Variants in SNIP1 observed in about 807,000 individuals in gnomAD.
SNIP1 encodes smad nuclear-interacting protein 1.
Under a neutral mutation model 37.4 loss-of-function variants are expected in SNIP1, and 23 were observed. The ratio of observed to expected loss-of-function variants is 0.61; its 90% CI spans 0.44 to 0.87. The LOEUF (loss-of-function observed/expected upper bound fraction) is 0.87. Among genes scored for constraint, SNIP1 ranks in the 40% least tolerant of loss-of-function variants. The pLI, the probability that SNIP1 is intolerant of heterozygous loss-of-function variation, is 0.00. For synonymous variants in SNIP1, 174 were observed against 200.0 expected (o/e 0.87, Z 1.10); for missense variants, 459 against 540.4 (o/e 0.85, Z 1.49).
At chr1:37,539,695 C>T (rs1017841620) in intron 3 of SNIP1, among the ~76,000 whole-genome samples, 1 of 152,098 alleles carries the variant, frequency 6.6e-6, no homozygotes, top group Admixed American at 6.5e-5. Context: ...GGGCACAGAA[C>T]GAGACTCCGT....
rs1300078306 is a variant in SNIP1 at position 37,537,740 on chromosome 1, T to G, written c.*8A>C. 6.2e-7 allele frequency: 1 copy of G among 1,609,434 alleles called. No individual in the cohort carries two copies. The highest frequency in any genetic ancestry group is 8.5e-7 in the Non-Finnish European group (1 of 1,177,644). On this transcript the variant is annotated 3_prime_UTR_variant, in exon 4 of 4. Coordinates refer to ENST00000296215, the MANE Select transcript of SNIP1 (RefSeq NM_024700.4). Reference sequence around the variant, plus strand: ...AACCGTGTATCAATAGTTTGGGTTCTTAGTTTGCTAGCTGTCAGACACTTC... The same window carrying G: ...AACCGTGTATCAATAGTTTGGGTTCGTAGTTTGCTAGCTGTCAGACACTTC...
Position 37,537,278 on chromosome 1 carries a change from T to C in SNIP1, c.*470A>G, listed in dbSNP as rs1372749808. ...GCTTTGGTATATACTGGAGGTTGTT[T>C]TGGTGATAACCAAAGCCTAGTAAGA... On this transcript the variant is annotated 3_prime_UTR_variant, in exon 4 of 4. Coordinates refer to ENST00000296215, the MANE Select transcript of SNIP1 (RefSeq NM_024700.4). The C allele has an allele frequency of 6.4e-6, 1 of 155,958 alleles. No homozygotes were observed. Among genetic ancestry groups the C allele is most frequent in the Non-Finnish European group, 1.4e-5 (1 of 70,198 alleles). 9.7% of individuals were successfully genotyped at this position (155,958 alleles called of 1,614,324 possible). A position where few individuals can be genotyped will look rare whatever the true frequency, so the allele number is the denominator to read the frequency against.
intron 1 of SNIP1, among the ~76,000 whole-genome samples, chr1:37,553,099 A>G (rs1643321886): frequency 6.6e-6 from 1 of 152,112 alleles, no homozygotes; most frequent in Non-Finnish European, 1.5e-5. Context: ...TACCATCAAT[A>G]ACAATCCCTC....
intron 2 of SNIP1, chr1:37,545,441 T>C (rs1023384485): frequency 8.3e-6 from 1 of 120,798 alleles, no homozygotes; most frequent in Admixed American, 1.1e-4. Flanking sequence ...TTCCTTCAAA[T>C]AAAGAAATTT....
At chr1:37,551,756 CT>C (rs1278252070) in intron 2 of SNIP1, among the ~76,000 whole-genome samples, 18 of 152,168 alleles carry the variant, frequency 1.2e-4, no homozygotes, top group African/African-American at 4.3e-4. Context: ...TTTAAGCCAC[CT>C]ACTCTATGGT....
intron 2 of SNIP1, chr1:37,541,662 C>CA (rs34756254): frequency 0.036 from 4,634 of 127,836 alleles, 256 homozygotes; most frequent in African/African-American, 0.13. Context: ...AACTCCTTCT[C>CA]AAAAAAAAAA....
chr1:37,548,152 CAAA>C (rs35503081), intron 2 of SNIP1, among the ~76,000 whole-genome samples: 3 of 65,366 alleles, frequency 4.6e-5, no homozygotes, highest in African/African-American at 6.9e-5. Flanking sequence ...GACTCCATAT[CAAA>C]AAAAAAAAAA....
rs542421832 is a variant in SNIP1 at position 37,544,914 on chromosome 1, T to G, written c.328-4159A>C. 2.5e-5 allele frequency: 26 copies of G among 1,034,750 alleles called. No individual in the cohort carries two copies. In the South Asian group the frequency reaches 3.3e-4, roughly 13 times the overall value. 64.1% of individuals were successfully genotyped at this position (1,034,750 alleles called of 1,614,324 possible). A position where few individuals can be genotyped will look rare whatever the true frequency, so the allele number is the denominator to read the frequency against. ...GCTTTGAAGAACTTTGCCAAATACT[T>G]TCTTCACCAATCTCATGAGGAGAGG... On this transcript the variant is annotated intron_variant, in intron 2 of 3. Transcript: ENST00000296215.
In SNIP1 at chr1:37,540,306, C is replaced by T. The variant is rs1643157879; in HGVS notation, c.777G>A (p.Trp259Ter). 1 of 1,614,034 alleles carries T rather than the reference C, an allele frequency of 6.2e-7. No individual in the cohort carries two copies. The highest frequency in any genetic ancestry group is 8.5e-7 in the Non-Finnish European group (1 of 1,180,044). The change falls in exon 3 of 4, where the codon TGG becomes TGA. Residue 259 changes from tryptophan to a stop codon, truncating the protein, a stop_gained. Coordinates refer to ENST00000296215, the MANE Select transcript of SNIP1 (RefSeq NM_024700.4). LOFTEE classifies it high-confidence loss of function. The surrounding 1 kb of genome is among the most constrained non-coding windows in gnomAD (Gnocchi z 5.6). ...CATCATTTTTAAATGGGTAGAGACG[C>T]CACCGTTTTTTGGGGATACGTGCTT... ...PPEARIPKKR[W>*]RLYPFKNDEV...
At chr1:37,550,743 C>T (rs1029450479) in intron 2 of SNIP1, among the ~76,000 whole-genome samples, 5 of 151,652 alleles carry the variant, frequency 3.3e-5, no homozygotes, top group African/African-American at 1.2e-4. Flanking sequence ...AATAAACAGG[C>T]AAAAGACATG....
At chr1:37,542,820 G>A (rs1356548439) in intron 2 of SNIP1, among the ~76,000 whole-genome samples, 1 of 152,144 alleles carries the variant, frequency 6.6e-6, no homozygotes, top group Non-Finnish European at 1.5e-5. Flanking sequence ...GGTCACGCCT[G>A]TAATCCCAGC....
intron 2 of SNIP1, among the ~76,000 whole-genome samples, chr1:37,548,326 T>C (rs1048898991): frequency 1.4e-5 from 2 of 147,788 alleles, no homozygotes; most frequent in Non-Finnish European, 3.0e-5. Context: ...TAAAATTTGC[T>C]TTTTTTTTTA....
At chr1:37,544,349 G>C (rs1643205117) in intron 2 of SNIP1, among the ~76,000 whole-genome samples, 2 of 151,444 alleles carry the variant, frequency 1.3e-5, no homozygotes, top group African/African-American at 4.9e-5. Context: ...GGGAGGCTGA[G>C]GCAGGAGAAT....
chr1:37,554,171 T>C lies in SNIP1; in HGVS notation c.59A>G (p.Asp20Gly), dbSNP rs142972500. 50 of 1,612,738 alleles carry C rather than the reference T, an allele frequency of 3.1e-5. 1 individual carries two copies. The African/African-American group carries it at 5.6e-4, about 18-fold the overall frequency. ...RGSRRRHRDGDVVLPAGVVVK... is the reference protein window; with the variant it reads ...RGSRRRHRDGGVVLPAGVVVK... The stretch of plus-strand genomic sequence containing the variant: ...CACCACCCCCGCCGGCAGCACCACG[T>C]CCCCGTCCCGGTGTCTTCGCCGGCT... Residue 20 changes from aspartate to glycine, a missense_variant, in exon 1 of 4, where the codon GAC becomes GGC. Asp to Gly is a moderately conservative substitution (Grantham distance 94). Coordinates refer to ENST00000296215, the MANE Select transcript of SNIP1 (RefSeq NM_024700.4).
intron 2 of SNIP1, among the ~76,000 whole-genome samples, chr1:37,547,125 A>G (rs1215080496): frequency 6.6e-6 from 1 of 152,236 alleles, no homozygotes; most frequent in Admixed American, 6.5e-5. Context: ...TCAAATGTTT[A>G]TCTCTCCGTT....
At position 37,552,705 on chromosome 1, in the gene SNIP1, GCTT is replaced by G. The variant is rs745993890; in HGVS notation, c.264_266del (p.Arg88del). The stretch of plus-strand genomic sequence containing the variant: ...GGTTTCTCTTACTGCGAGGAGACTT[GCTT>G]CTTCTCCCTGAGGCCTTGTTTTTCT... On this transcript the variant is annotated inframe_deletion, in exon 2 of 4. Coordinates refer to ENST00000296215, the MANE Select transcript of SNIP1 (RefSeq NM_024700.4). The G allele has an allele frequency of 5.0e-5, 81 of 1,614,184 alleles. No individual in the cohort carries two copies. Among genetic ancestry groups the G allele is most frequent in the Non-Finnish European group, 6.7e-5 (79 of 1,180,030 alleles).
At position 37,540,606 on chromosome 1, in the gene SNIP1, A is replaced by G. The variant is rs750759226; in HGVS notation, c.477T>C (p.Ser159=). Residue 159 remains serine (S), a synonymous_variant, in exon 3 of 4, where the codon AGT becomes AGC. Coordinates refer to ENST00000296215, the MANE Select transcript of SNIP1 (RefSeq NM_024700.4). The surrounding 1 kb of genome is among the most constrained non-coding windows in gnomAD (Gnocchi z 5.6). ...QRRTSNERPG[S]GQGQGRDRDT... is the part of the protein sequence containing the mutation. ...CTCGATCCCGTCCCTGACCCTGCCC[A>G]CTCCCAGGCCTCTCGTTAGACGTTC... The G allele has an allele frequency of 1.9e-5, 30 of 1,613,406 alleles. No individual in the cohort carries two copies. The highest frequency in any genetic ancestry group is 1.6e-4 in the Middle Eastern group (1 of 6,062).
Position 37,540,280 on chromosome 1 carries a change from T to G in SNIP1, c.803A>C (p.Glu268Ala). Residue 268 changes from glutamate (E) to alanine (A), a missense_variant, in exon 3 of 4, where the codon GAG becomes GCG. By Grantham distance (107) the Glu-to-Ala change is moderately radical (BLOSUM62 -1). Transcript: ENST00000296215. The surrounding 1 kb of genome is among the most constrained non-coding windows in gnomAD (Gnocchi z 5.6). The part of the protein sequence containing the change: ...RWRLYPFKND[E>A]VLPVMYIHRQ... ...ATGTATGTACATGACTGGAAGCACC[T>G]CATCATTTTTAAATGGGTAGAGACG... The G allele has an allele frequency of 3.1e-6, 5 of 1,614,128 alleles. No individual in the cohort carries two copies. Among genetic ancestry groups the G allele is most frequent in the Non-Finnish European group, 4.2e-6 (5 of 1,180,026 alleles).
At chr1:37,552,768 A>G (rs779966024) in intron 1 of SNIP1, 21 bp from the exon 2 acceptor site, 4 of 1,598,856 alleles carry the variant, frequency 2.5e-6, no homozygotes, top group Non-Finnish European at 2.6e-6. Flanking sequence ...CATGGTACAC[A>G]GGATTTTATC....
Sources: gnomAD v4.1 joint callset for allele counts (sites outside exome capture counted in the v4.1 genomes callset) on GRCh38, gnomAD v4.1.1 for gene constraint, Gnocchi (gnomAD v3.1) non-coding constraint, MANE v1.5 for transcripts, NCBI Gene and HGNC (gene_info 2026-07-23, HGNC 2026-07-21) for gene names.